ERC1: variants seen among roughly 807,000 people sequenced by gnomAD.
ERC1 encodes the protein RAB6 interacting protein 2.
Under a neutral mutation model 132.0 loss-of-function variants are expected in ERC1, and 56 were observed. That is an observed-to-expected ratio of 0.42 (90% CI 0.34 to 0.53). The LOEUF (loss-of-function observed/expected upper bound fraction) is 0.53, where lower values mean the gene tolerates loss of function less well. Ranked by LOEUF, ERC1 falls within the 20% of genes least tolerant of loss-of-function variation. The probability of loss-of-function intolerance (pLI) is 0.03; values close to 1 mark genes in which losing one functional copy is unlikely to be tolerated. For synonymous variants in ERC1, 478 were observed against 476.1 expected, an observed-to-expected ratio of 1.00 and a Z score of -0.05; for missense variants, 1,202 against 1,349.9, an observed-to-expected ratio of 0.89 and a Z score of 1.72.
intron 2 of ERC1, among the ~76,000 whole-genome samples, chr12:1,033,658 G>T (rs1026379717): frequency 6.6e-6 from 1 of 151,246 alleles, no homozygotes; most frequent in African/African-American, 2.4e-5. Context: ...TTGAGACGGA[G>T]TCTTGCTCTG....
chr12:1,023,409 A>AT (rs577267661), intron 1 of ERC1, among the ~76,000 whole-genome samples: 89 of 144,702 alleles, frequency 6.2e-4, no homozygotes, highest in South Asian at 2.0e-3. Flanking sequence ...TCTTTTTTTG[A>AT]TTTTTTTTTT....
chr12:1,276,797 C>G (rs1165862490), intron 14 of ERC1, among the ~76,000 whole-genome samples: 2 of 152,046 alleles, frequency 1.3e-5, no homozygotes, highest in African/African-American at 4.8e-5. Flanking sequence ...GAAATTTTGT[C>G]CTGACTTAAT....
chr12:1,239,510 A>G (rs1360613065), intron 13 of ERC1, among the ~76,000 whole-genome samples: 3 of 152,136 alleles, frequency 2.0e-5, no homozygotes, highest in Non-Finnish European at 4.4e-5. Context: ...ATCACTTGAG[A>G]CCAGAGTTCA....
At chr12:1,466,264 G>A (rs868061323) in intron 18 of ERC1, among the ~76,000 whole-genome samples, 1 of 152,104 alleles carries the variant, frequency 6.6e-6, no homozygotes, top group African/African-American at 2.4e-5. Flanking sequence ...TCCTCACGTG[G>A]TCTATCCTCT....
intron 17 of ERC1, among the ~76,000 whole-genome samples, chr12:1,415,574 G>GC (rs1236747178): frequency 1.3e-5 from 2 of 152,138 alleles, no homozygotes; most frequent in African/African-American, 4.8e-5. Flanking sequence ...TATTCTCATT[G>GC]CAACAGTGCA....
intron 8 of ERC1, among the ~76,000 whole-genome samples, chr12:1,164,463 C>A (rs1350046048): frequency 6.6e-6 from 1 of 152,150 alleles, no homozygotes; most frequent in Admixed American, 6.5e-5. Flanking sequence ...CTGCCTCAGC[C>A]TCCCAAGTAG....
At chr12:1,160,306 C>T (rs1363045347) in intron 8 of ERC1, among the ~76,000 whole-genome samples, 1 of 152,204 alleles carries the variant, frequency 6.6e-6, no homozygotes, top group African/African-American at 2.4e-5. Flanking sequence ...ATATATCCAT[C>T]ACAACAATTC....
intron 2 of ERC1, among the ~76,000 whole-genome samples, chr12:1,076,488 C>G (rs898453081): frequency 6.6e-6 from 1 of 151,348 alleles, no homozygotes; most frequent in Admixed American, 6.6e-5. Flanking sequence ...TCTGCCTCCC[C>G]GGTTCTAGCA....
chr12:1,449,989 A>G lies in ERC1; in HGVS notation c.3213+5239A>G, dbSNP rs189956752. ...TACCTTATCATAGTCAAATTTTGAAAATATAGTATACCACTTCAGGTATAG... is the reference window on the plus strand; with the variant it reads ...TACCTTATCATAGTCAAATTTTGAAGATATAGTATACCACTTCAGGTATAG... On this transcript the variant is annotated intron_variant, in intron 18 of 18. Coordinates refer to ENST00000360905, the MANE Select transcript of ERC1 (RefSeq NM_178040.4). Among the ~76,000 whole-genome samples, 3 of 152,232 alleles carry G rather than the reference A, an allele frequency of 2.0e-5. No individual in the cohort carries two copies. The East Asian group carries it at 5.8e-4, about 29-fold the overall frequency.
chr12:1,028,016 C>T lies in ERC1; in HGVS notation c.113C>T (p.Thr38Met), dbSNP rs776030209. The T allele has an allele frequency of 1.5e-5, 25 of 1,613,966 alleles. No homozygotes were observed. Among genetic ancestry groups the T allele is most frequent in the East Asian group, 2.2e-5 (1 of 44,892 alleles). ...PRLGHRRTNSTGGSSGSSVGG... is the reference protein window; with the variant it reads ...PRLGHRRTNSMGGSSGSSVGG... ...TTGGGTCACCGTCGAACCAACAGTA[C>T]GGGAGGGAGTTCGGGAAGCAGTGTT... Residue 38 changes from threonine to methionine, a missense_variant, in exon 2 of 19, where the codon ACG becomes ATG. By Grantham distance (81) the Thr-to-Met change is moderately conservative. Coordinates refer to ENST00000360905, the MANE Select transcript of ERC1 (RefSeq NM_178040.4).
intron 15 of ERC1, among the ~76,000 whole-genome samples, chr12:1,311,839 C>T (rs546562674): frequency 6.6e-6 from 1 of 152,258 alleles, no homozygotes; most frequent in African/African-American, 2.4e-5. Context: ...GTGGCCAAAA[C>T]TAAGTCTTTT....
chr12:1,427,156 T>C (rs1043362381), intron 17 of ERC1, among the ~76,000 whole-genome samples: 13 of 152,220 alleles, frequency 8.5e-5, no homozygotes, highest in Middle Eastern at 3.4e-3. Flanking sequence ...GACAAAAGCA[T>C]ACTCAAGCAG....
intron 15 of ERC1, among the ~76,000 whole-genome samples, chr12:1,329,626 G>A (rs1164011145): frequency 2.0e-5 from 3 of 152,172 alleles, no homozygotes; most frequent in Admixed American, 6.5e-5. Context: ...GAACAGATCC[G>A]TAACTTTGGT....
intron 15 of ERC1, among the ~76,000 whole-genome samples, chr12:1,361,264 G>T (rs545243863): frequency 2.3e-5 from 3 of 129,860 alleles, no homozygotes; most frequent in East Asian, 5.5e-4. Context: ...GTTGTGGGGT[G>T]GGGGGAGGGA....
intron 11 of ERC1, among the ~76,000 whole-genome samples, chr12:1,187,730 T>C (rs1955262843): frequency 1.3e-5 from 2 of 152,216 alleles, no homozygotes; most frequent in African/African-American, 4.8e-5. Context: ...TGCATATTCA[T>C]TTTTTCTACA....
intron 12 of ERC1, among the ~76,000 whole-genome samples, chr12:1,203,214 C>A (rs1284662451): frequency 3.3e-5 from 5 of 152,172 alleles, no homozygotes; most frequent in Non-Finnish European, 7.3e-5. Context: ...TGTGCCACCA[C>A]GCCTGGCTAA....
intron 18 of ERC1, among the ~76,000 whole-genome samples, chr12:1,478,208 A>C (rs1165476347): frequency 6.6e-6 from 1 of 152,170 alleles, no homozygotes; most frequent in Non-Finnish European, 1.5e-5. Flanking sequence ...CCTTGTCAGC[A>C]CTTGATACTG....
At position 1,183,284 on chromosome 12, in the gene ERC1, T is replaced by G; in HGVS notation, c.2020T>G (p.Ser674Ala). Residue 674 changes from serine to alanine, a missense_variant, in exon 11 of 19, where the codon TCA becomes GCA. Coordinates refer to ENST00000360905, the MANE Select transcript of ERC1 (RefSeq NM_178040.4). ...AGATGTGTGTTCCTTCTTTTAGGCT[T>G]CACTTTTGGATCTGAAAGAGCATGC... ...LQGDLSEKEA[S>A]LLDLKEHASS... 1 of 1,546,804 alleles carries G rather than the reference T, an allele frequency of 6.5e-7. No homozygotes were observed. The highest frequency in any genetic ancestry group is 8.8e-7 in the Non-Finnish European group (1 of 1,140,284).
chr12:1,438,650 G>A (rs16928435), intron 17 of ERC1, among the ~76,000 whole-genome samples: 5,454 of 152,174 alleles, frequency 0.036, 305 homozygotes, highest in African/African-American at 0.12. Flanking sequence ...TAAAAAAATG[G>A]CATCTTTCGG....
Sources: allele counts gnomAD v4.1 joint callset (sites outside exome capture counted in the v4.1 genomes callset), GRCh38; gene constraint gnomAD v4.1.1; transcripts MANE v1.5; gene names NCBI Gene and HGNC (gene_info 2026-07-23, HGNC 2026-07-21).